CERS3: variants seen among roughly 807,000 people sequenced by gnomAD.
CERS3 encodes LAG1 homolog, ceramide synthase 3.
Under a neutral mutation model 50.3 loss-of-function variants are expected in CERS3, and 33 were observed. That is an observed-to-expected ratio of 0.66 (90% CI 0.50 to 0.88). The LOEUF (loss-of-function observed/expected upper bound fraction) is 0.88. Ranked by LOEUF, CERS3 falls within the 40% of genes least tolerant of loss-of-function variation. The probability of loss-of-function intolerance (pLI) is 0.00; values close to 1 mark genes in which losing one functional copy is unlikely to be tolerated. For synonymous variants in CERS3, 176 were observed against 155.2 expected, an observed-to-expected ratio of 1.13 and a Z score of -0.99; for missense variants, 470 against 460.3, an observed-to-expected ratio of 1.02 and a Z score of -0.19.
intron 11 of CERS3, among the ~76,000 whole-genome samples, chr15:100,423,676 T>C (rs773617367): frequency 1.3e-5 from 2 of 152,066 alleles, no homozygotes; most frequent in African/African-American, 4.8e-5. Flanking sequence ...GGTGACAAAA[T>C]CATTTGTACA....
At chr15:100,446,502 A>G (rs1596677260) in intron 11 of CERS3, among the ~76,000 whole-genome samples, 2 of 152,100 alleles carry the variant, frequency 1.3e-5, no homozygotes, top group East Asian at 3.9e-4. Flanking sequence ...CCAACTCTTC[A>G]GTGATCTTTG....
intron 7 of CERS3, among the ~76,000 whole-genome samples, chr15:100,478,709 C>A (rs1462502303): frequency 6.6e-6 from 1 of 151,956 alleles, no homozygotes; most frequent in East Asian, 1.9e-4. Flanking sequence ...CTATACCCAG[C>A]AAAAATATCC....
intron 4 of CERS3, among the ~76,000 whole-genome samples, chr15:100,485,169 T>G (rs1482840841): frequency 1.3e-5 from 2 of 152,162 alleles, no homozygotes; most frequent in Non-Finnish European, 2.9e-5. Flanking sequence ...TTCTCACAGC[T>G]CCAGAAGATA....
intron 2 of CERS3, among the ~76,000 whole-genome samples, chr15:100,510,143 A>T (rs1295716927): frequency 6.6e-6 from 1 of 152,206 alleles, no homozygotes; most frequent in East Asian, 1.9e-4. Context: ...TTCTAAATGC[A>T]TTTAAAATTG....
rs751899957 is a variant in CERS3, at chr15:100,490,840, G to A, written c.265C>T (p.His89Tyr). 6 of 1,609,152 alleles carry A rather than the reference G, an allele frequency of 3.7e-6. No homozygotes were observed. The South Asian group carries it at 4.4e-5, about 12-fold the overall frequency. The change falls in exon 4 of 12, where the codon CAT becomes TAT. Residue 89 changes from histidine to tyrosine, a missense_variant. Transcript: ENST00000679737. ...PNTVLENFFK[H>Y]STRQPLQTDI... The stretch of plus-strand genomic sequence containing the variant: ...ACTTGCAATGGTTGCCTTGTGGAAT[G>A]TTTGAAAAAATTCTCTAAGACAGTA...
chr15:100,541,027 C>A (rs1298647588), intron 1 of CERS3, among the ~76,000 whole-genome samples: 16 of 152,176 alleles, frequency 1.1e-4, no homozygotes, highest in Non-Finnish European at 1.0e-4. Context: ...ACCGTCCCTG[C>A]TTTCCAGCTA....
At chr15:100,407,692 G>C (rs1195050538) in intron 11 of CERS3, among the ~76,000 whole-genome samples, 2 of 152,154 alleles carry the variant, frequency 1.3e-5, no homozygotes, top group Non-Finnish European at 2.9e-5. Context: ...GGTTGTATCA[G>C]TACTGGACAT....
rs2035432446 is a variant in CERS3 at position 100,484,609 on chromosome 15, C to A, written c.348G>T (p.Trp116Cys). 6.2e-7 allele frequency: 1 copy of A among 1,614,084 alleles called. No homozygotes were observed. The highest frequency in any genetic ancestry group is 1.7e-5 in the Admixed American group (1 of 60,006). ...TCTCTTGATTCCGCCGACTCCTAAA[C>A]CATCTTTCCACCTGGCGCTCCGTCA... ...CNLTERQVER[W>C]FRSRRNQERP... The change falls in exon 5 of 12, where the codon TGG becomes TGT. Residue 116 changes from tryptophan to cysteine, a missense_variant. By Grantham distance (215) the Trp-to-Cys change is radical (BLOSUM62 -2). Coordinates refer to ENST00000679737, the MANE Select transcript of CERS3 (RefSeq NM_001378789.1).
At chr15:100,442,000 A>C (rs930320381) in intron 11 of CERS3, among the ~76,000 whole-genome samples, 4 of 151,852 alleles carry the variant, frequency 2.6e-5, no homozygotes, top group Non-Finnish European at 4.4e-5. Context: ...ACCATATAAT[A>C]CTTATATCAC....
chr15:100,436,377 A>G (rs2033403468), intron 11 of CERS3, among the ~76,000 whole-genome samples: 1 of 152,194 alleles, frequency 6.6e-6, no homozygotes, highest in Non-Finnish European at 1.5e-5. Context: ...CAAGAACAGA[A>G]AACCAAACAC....
intron 1 of CERS3, among the ~76,000 whole-genome samples, chr15:100,528,511 C>T (rs775727059): frequency 1.3e-5 from 2 of 152,132 alleles, no homozygotes; most frequent in Admixed American, 6.5e-5. Flanking sequence ...TAAACTCGCC[C>T]GAGAGCAATG....
intron 11 of CERS3, among the ~76,000 whole-genome samples, chr15:100,426,241 TAAA>T (rs2032804414): frequency 6.6e-6 from 1 of 151,910 alleles, no homozygotes; most frequent in Non-Finnish European, 1.5e-5. Context: ...TAGTGAAAAA[TAAA>T]AAATAAAATA....
chr15:100,421,501 A>G (rs898630402), intron 11 of CERS3, among the ~76,000 whole-genome samples: 6 of 151,976 alleles, frequency 3.9e-5, no homozygotes, highest in Non-Finnish European at 8.8e-5. Flanking sequence ...GAAAATGGCC[A>G]CACTGCCCAA....
chr15:100,519,072 T>A (rs577827831), intron 2 of CERS3, among the ~76,000 whole-genome samples: 1 of 151,796 alleles, frequency 6.6e-6, no homozygotes, highest in South Asian at 2.1e-4. Flanking sequence ...GGCAGGAGAA[T>A]CGCTTGAACC....
intron 3 of CERS3, among the ~76,000 whole-genome samples, chr15:100,500,954 A>C (rs2035978805): frequency 6.6e-6 from 1 of 152,252 alleles, no homozygotes; most frequent in Non-Finnish European, 1.5e-5. Context: ...TCTTTGCTCC[A>C]AATAAATTAA....
At chr15:100,433,636 C>T (rs1645400217) in intron 11 of CERS3, among the ~76,000 whole-genome samples, 1 of 152,168 alleles carries the variant, frequency 6.6e-6, no homozygotes, top group Non-Finnish European at 1.5e-5. Context: ...TCCCTTTGCC[C>T]AGCCCAGCTA....
intron 2 of CERS3, among the ~76,000 whole-genome samples, chr15:100,514,151 G>T (rs1379828838): frequency 2.0e-5 from 3 of 152,154 alleles, no homozygotes; most frequent in Non-Finnish European, 4.4e-5. Flanking sequence ...GTTGATCATT[G>T]TACCTCCCTG....
intron 11 of CERS3, among the ~76,000 whole-genome samples, chr15:100,403,978 C>T (rs1410772916): frequency 6.6e-6 from 1 of 152,146 alleles, no homozygotes; most frequent in Non-Finnish European, 1.5e-5. Context: ...TGTAAGTGGG[C>T]CCTCTATGGC....
At chr15:100,517,094 T>C (rs2036510918) in intron 2 of CERS3, among the ~76,000 whole-genome samples, 1 of 152,242 alleles carries the variant, frequency 6.6e-6, no homozygotes, top group African/African-American at 2.4e-5. Context: ...GAAGCCCAGT[T>C]TGAAGGTCAG....
Sources: gnomAD v4.1 joint callset for allele counts (sites outside exome capture counted in the v4.1 genomes callset) on GRCh38, gnomAD v4.1.1 for gene constraint, MANE v1.5 for transcripts, NCBI Gene and HGNC (gene_info 2026-07-23, HGNC 2026-07-21) for gene names.